The following FAM110B variants were observed in gnomAD, a reference collection of about 807,000 sequenced individuals.
FAM110B encodes protein FAM110B.
In FAM110B, 6 loss-of-function variants were observed where a neutral mutation model predicts 20.4. The ratio of observed to expected loss-of-function variants is 0.29; its 90% CI spans 0.16 to 0.58. The LOEUF is 0.58. Ranked by LOEUF, FAM110B falls within the 20% of genes least tolerant of loss-of-function variation. The pLI is 0.90. For missense variants in FAM110B, 434 were observed against 498.2 expected (o/e 0.87, Z 1.23); for synonymous variants, 226 against 214.1 (o/e 1.06, Z -0.49).
At chr8:58,127,531 T>G (rs1807539330) in intron 3 of FAM110B, among the ~76,000 whole-genome samples, 1 of 152,166 alleles carries the variant, frequency 6.6e-6, no homozygotes, top group African/African-American at 2.4e-5. Context: ...CTTATATGAT[T>G]GTCTACATAG....
rs1416781676 is a variant in FAM110B at position 58,060,817 on chromosome 8, G to C, written c.-413-14718G>C. Among the ~76,000 whole-genome samples the C allele has an allele frequency of 3.3e-5, 5 of 152,224 alleles. No individual in the cohort carries two copies. In the East Asian group the frequency reaches 7.7e-4, roughly 24 times the overall value. ...TGAGGAAAGAAACCCTTGCCCACCA[G>C]TGCAGGGCCCTGGCTCTGTCACCTA... On this transcript the variant is annotated intron_variant, in intron 2 of 3. Transcript: ENST00000519262.
At chr8:58,098,738 G>T (rs1806697231) in intron 3 of FAM110B, among the ~76,000 whole-genome samples, 1 of 132,878 alleles carries the variant, frequency 7.5e-6, no homozygotes, top group African/African-American at 2.8e-5. Flanking sequence ...TAGTATCTCG[G>T]CTGGAATGCA....
chr8:58,083,343 G>A (rs1806251029), intron 3 of FAM110B, among the ~76,000 whole-genome samples: 1 of 152,230 alleles, frequency 6.6e-6, no homozygotes, highest in South Asian at 2.1e-4. Flanking sequence ...AGAATGGTAA[G>A]AACTTGGGTG....
intron 3 of FAM110B, among the ~76,000 whole-genome samples, chr8:58,088,518 T>G (rs1037030240): frequency 6.6e-6 from 1 of 152,252 alleles, no homozygotes; most frequent in Non-Finnish European, 1.5e-5. Context: ...TGTATATGCT[T>G]CTTTTTATGG....
chr8:58,052,611 T>G (rs943076634), intron 2 of FAM110B, among the ~76,000 whole-genome samples: 2 of 151,910 alleles, frequency 1.3e-5, no homozygotes, highest in Admixed American at 6.6e-5. Flanking sequence ...TGGTAAAAAT[T>G]ACTACGGAGG....
intron 1 of FAM110B, among the ~76,000 whole-genome samples, chr8:58,009,958 C>T (rs889224272): frequency 7.2e-5 from 11 of 152,136 alleles, no homozygotes; most frequent in African/African-American, 2.6e-4. Flanking sequence ...GTCCTCTGAT[C>T]AGGTCGAAGG....
intron 1 of FAM110B, among the ~76,000 whole-genome samples, chr8:58,023,155 T>G (rs1804788930): frequency 1.3e-5 from 2 of 150,416 alleles, no homozygotes; most frequent in South Asian, 4.2e-4. Context: ...CTAGGGTTAC[T>G]TAAGTACTAT....
At chr8:58,089,407 T>A (rs1006535462) in intron 3 of FAM110B, among the ~76,000 whole-genome samples, 4 of 152,206 alleles carry the variant, frequency 2.6e-5, no homozygotes, top group African/African-American at 9.6e-5. Context: ...GTGGGTGCCT[T>A]GGTTTTGTGG....
At chr8:58,042,135 C>G (rs891419473) in intron 2 of FAM110B, among the ~76,000 whole-genome samples, 1 of 152,156 alleles carries the variant, frequency 6.6e-6, no homozygotes, top group Non-Finnish European at 1.5e-5. Context: ...AGAACAAGTA[C>G]TGTTATTGGA....
intron 3 of FAM110B, among the ~76,000 whole-genome samples, chr8:58,084,362 C>T (rs1027956345): frequency 6.6e-6 from 1 of 150,768 alleles, no homozygotes; most frequent in African/African-American, 2.4e-5. Flanking sequence ...GTTTTCCTTC[C>T]TTCCAGCAGT....
At chr8:58,012,170 A>G (rs1804550700) in intron 1 of FAM110B, among the ~76,000 whole-genome samples, 1 of 152,208 alleles carries the variant, frequency 6.6e-6, no homozygotes, top group Non-Finnish European at 1.5e-5. Context: ...TTGGTAGGAA[A>G]TTCTGACTAG....
intron 2 of FAM110B, among the ~76,000 whole-genome samples, chr8:58,064,088 G>C (rs1805713624): frequency 6.6e-6 from 1 of 152,132 alleles, no homozygotes; most frequent in Non-Finnish European, 1.5e-5. Flanking sequence ...TAAACAACCA[G>C]ATCTTGTGAG....
chr8:57,995,751 GAC>G (rs146123873), intron 1 of FAM110B, among the ~76,000 whole-genome samples: 2 of 152,180 alleles, frequency 1.3e-5, no homozygotes, highest in African/African-American at 4.8e-5. Flanking sequence ...CAGATTTATT[GAC>G]ACACACACAC....
chr8:58,065,176 T>G (rs1805736278), intron 2 of FAM110B, among the ~76,000 whole-genome samples: 1 of 152,208 alleles, frequency 6.6e-6, no homozygotes. Flanking sequence ...CGTGCAAAAT[T>G]ATATGCCTTG....
intron 1 of FAM110B, among the ~76,000 whole-genome samples, chr8:58,005,112 G>A (rs1804373577): frequency 6.6e-6 from 1 of 152,182 alleles, no homozygotes; most frequent in Non-Finnish European, 1.5e-5. Flanking sequence ...TATAGCGGTT[G>A]ATTTAAAGTG....
intron 3 of FAM110B, among the ~76,000 whole-genome samples, chr8:58,107,534 A>G (rs1806949137): frequency 6.6e-6 from 1 of 152,256 alleles, no homozygotes; most frequent in African/African-American, 2.4e-5. Context: ...GTATGCATGC[A>G]GAATGTTTTG....
intron 3 of FAM110B, among the ~76,000 whole-genome samples, chr8:58,129,171 T>C (rs1315232281): frequency 6.6e-6 from 1 of 152,146 alleles, no homozygotes; most frequent in Non-Finnish European, 1.5e-5. Context: ...TTCGATCCCC[T>C]CTAGGCTAAT....
intron 3 of FAM110B, among the ~76,000 whole-genome samples, chr8:58,140,949 G>T (rs965276576): frequency 1.3e-5 from 2 of 151,868 alleles, no homozygotes; most frequent in Non-Finnish European, 2.9e-5. Flanking sequence ...ATTTTTCTAC[G>T]TCTTACACAT....
intron 3 of FAM110B, among the ~76,000 whole-genome samples, chr8:58,092,863 A>C (rs1806517027): frequency 6.6e-6 from 1 of 152,164 alleles, no homozygotes; most frequent in South Asian, 2.1e-4. Flanking sequence ...ACTCCCACCA[A>C]CAGTGTAAAA....
Sources: allele counts gnomAD v4.1 joint callset (sites outside exome capture counted in the v4.1 genomes callset), GRCh38; gene constraint gnomAD v4.1.1; transcripts MANE v1.5; gene names NCBI Gene and HGNC (gene_info 2026-07-23, HGNC 2026-07-21).